Variants in FANCA observed in about 807,000 individuals in gnomAD.
The protein encoded by FANCA is Fanconi anemia group A protein.
Under a neutral mutation model 194.3 loss-of-function variants are expected in FANCA, and 236 were observed. That is an observed-to-expected ratio of 1.21 (90% CI 1.09 to 1.35). The LOEUF is 1.35. Ranked by LOEUF, FANCA falls within the 40% of genes most tolerant of loss-of-function variation. The pLI is 0.00. For missense variants in FANCA, 2,628 were observed against 1,813.9 expected (o/e 1.45, Z -8.15); for synonymous variants, 1,014 against 715.8 (o/e 1.42, Z -6.65).
intron 11 of FANCA, among the ~76,000 whole-genome samples, chr16:89,793,623 C>G (rs1051949311): frequency 2.6e-5 from 4 of 152,136 alleles, no homozygotes; most frequent in Non-Finnish European, 5.9e-5. Flanking sequence ...TGGACAGGGT[C>G]TCACTATCAC....
chr16:89,749,828 G>C lies in FANCA; in HGVS notation c.3141C>G (p.Phe1047Leu). 1 of 1,614,210 alleles carries C rather than the reference G, an allele frequency of 6.2e-7. No homozygotes were observed. The highest frequency in any genetic ancestry group is 8.5e-7 in the Non-Finnish European group (1 of 1,180,034). ...PLGHTPSQEH[F>L]LFEIFRRRLQ... ...GCCGTCTGCGGAAAATCTCAAAGAGGAAGTGCTCCTGGGAAGGGGTGTGGC... is the reference window on the plus strand; with the variant it reads ...GCCGTCTGCGGAAAATCTCAAAGAGCAAGTGCTCCTGGGAAGGGGTGTGGC... Residue 1047 changes from phenylalanine to leucine, a missense_variant, in exon 32 of 43, where the codon TTC becomes TTG. Physicochemically the swap from Phe to Leu is conservative, Grantham distance 22. Transcript: ENST00000389301.
intron 26 of FANCA, among the ~76,000 whole-genome samples, chr16:89,768,793 T>C (rs1200790159): frequency 1.3e-5 from 2 of 152,178 alleles, no homozygotes; most frequent in Non-Finnish European, 2.9e-5. Context: ...TGGATATATA[T>C]CCTGAGGCAT....
Position 89,803,349 on chromosome 16 carries a change from A to G in FANCA, c.710-8T>C, listed in dbSNP as rs181310336. 9.9e-6 allele frequency: 16 copies of G among 1,612,678 alleles called. No individual in the cohort carries two copies. In the Admixed American group the frequency reaches 2.7e-4, roughly 27 times the overall value. On this transcript the variant is annotated splice_polypyrimidine_tract_variant and splice_region_variant and intron_variant, in intron 7 of 42. Transcript: ENST00000389301. ...CAAACATTTGAACAAAATCTGAAAAACCATAAAACCAAAGTTATTTATGGA... is the reference window on the plus strand; with the variant it reads ...CAAACATTTGAACAAAATCTGAAAAGCCATAAAACCAAAGTTATTTATGGA...
chr16:89,782,960 T>C (rs1183126402), intron 16 of FANCA, 42 bp from the exon 17 acceptor site: 2 of 1,612,824 alleles, frequency 1.2e-6, no homozygotes, highest in Non-Finnish European at 1.7e-6. Flanking sequence ...AACAAAGCAG[T>C]TTCTGCTGGG....
At chr16:89,744,154 C>T (rs1187781196) in intron 36 of FANCA, among the ~76,000 whole-genome samples, 2 of 152,218 alleles carry the variant, frequency 1.3e-5, no homozygotes, top group African/African-American at 2.4e-5. Flanking sequence ...CTTGGCCTCC[C>T]AAAGTGCTGG....
At chr16:89,793,626 A>C (rs2040151027) in intron 11 of FANCA, among the ~76,000 whole-genome samples, 1 of 152,060 alleles carries the variant, frequency 6.6e-6, no homozygotes, top group Non-Finnish European at 1.5e-5. Flanking sequence ...ACAGGGTCTC[A>C]CTATCACCCA....
intron 6 of FANCA, among the ~76,000 whole-genome samples, chr16:89,807,931 G>A (rs1403045701): frequency 5.9e-5 from 9 of 151,950 alleles, no homozygotes; most frequent in South Asian, 2.1e-4. Flanking sequence ...GGTGGCGGGC[G>A]CCTGTAATCC....
In FANCA at chr16:89,751,701, C is replaced by G. The variant is rs989839617; in HGVS notation, c.3066+437G>C. Among the ~76,000 whole-genome samples the G allele has an allele frequency of 5.3e-5, 8 of 152,180 alleles. No homozygotes were observed. In the South Asian group the frequency reaches 1.7e-3, roughly 32 times the overall value. ...GGTACATGCTGCCTACCTGTATAGA[C>G]TTCAGGTGATCCACCAGCCTCGGAC... On this transcript the variant is annotated intron_variant, in intron 31 of 42. Coordinates refer to ENST00000389301, the MANE Select transcript of FANCA (RefSeq NM_000135.4).
In FANCA at chr16:89,744,975, G is replaced by A. The variant is rs759303096; in HGVS notation, c.3610C>T (p.Arg1204Trp). 1.4e-5 allele frequency: 23 copies of A among 1,611,658 alleles called. No individual in the cohort carries two copies. The highest frequency in any genetic ancestry group is 8.0e-5 in the African/African-American group (6 of 74,922). The stretch of plus-strand genomic sequence containing the variant: ...CACACGTACTCGCTGGCAAACTGCC[G>A]GCCTTCTTGTAGCTTCTGCAGTTCC... ...PRELQKLQEG[R>W]QFASDFLSPE... is the part of the protein sequence containing the mutation. The change falls in exon 36 of 43, where the codon CGG becomes TGG. Residue 1204 changes from arginine to tryptophan, a missense_variant. Arg to Trp is a moderately radical substitution (Grantham distance 101, BLOSUM62 -3). Coordinates refer to ENST00000389301, the MANE Select transcript of FANCA (RefSeq NM_000135.4).
intron 30 of FANCA, among the ~76,000 whole-genome samples, chr16:89,756,967 T>C (rs1186619426): frequency 1.3e-5 from 2 of 152,124 alleles, no homozygotes; most frequent in East Asian, 3.8e-4. Context: ...AACCGCTGGA[T>C]TTATGGTGGA....
At chr16:89,803,375 C>T in intron 7 of FANCA, 34 bp from the exon 8 acceptor site, 2 of 1,577,386 alleles carry the variant, frequency 1.3e-6, no homozygotes, top group East Asian at 2.2e-5. Flanking sequence ...TATTTATGGA[C>T]ATCATGGTCT....
At chr16:89,793,279 C>T (rs1305080415) in intron 11 of FANCA, among the ~76,000 whole-genome samples, 4 of 152,150 alleles carry the variant, frequency 2.6e-5, no homozygotes, top group African/African-American at 4.8e-5. Flanking sequence ...CTGCCGTCAC[C>T]GCTAGACCAA....
chr16:89,810,881 C>G (rs775505923), intron 4 of FANCA, 48 bp downstream of exon 4: 2 of 1,614,142 alleles, frequency 1.2e-6, no homozygotes, highest in South Asian at 1.1e-5. Flanking sequence ...TCCCAACCAG[C>G]TTAAAAGTAA....
intron 10 of FANCA, among the ~76,000 whole-genome samples, chr16:89,797,500 T>G (rs1227281661): frequency 2.0e-5 from 3 of 152,172 alleles, no homozygotes; most frequent in Admixed American, 2.0e-4. Context: ...CTGTCCTTCC[T>G]CACAGGGCAG....
chr16:89,738,207 G>A lies in FANCA; in HGVS notation c.*394C>T. 1 of 1,610,836 alleles carries A rather than the reference G, an allele frequency of 6.2e-7. No individual in the cohort carries two copies. Among genetic ancestry groups the A allele is most frequent in the Admixed American group, 1.7e-5 (1 of 59,592 alleles). On this transcript the variant is annotated 3_prime_UTR_variant, in exon 43 of 43. Coordinates refer to ENST00000389301, the MANE Select transcript of FANCA (RefSeq NM_000135.4). Reference sequence around the variant, plus strand: ...CACCTGGGCCACCGAGCCCCTCTGTGACCACAGAGGGCCAGGCGGTGAAGC... The same window carrying A: ...CACCTGGGCCACCGAGCCCCTCTGTAACCACAGAGGGCCAGGCGGTGAAGC...
chr16:89,756,913 T>G (rs1296448333), intron 30 of FANCA, among the ~76,000 whole-genome samples: 2 of 152,184 alleles, frequency 1.3e-5, no homozygotes, highest in Non-Finnish European at 2.9e-5. Flanking sequence ...GAAGGACTAT[T>G]GAAGTCAACC....
intron 7 of FANCA, among the ~76,000 whole-genome samples, chr16:89,804,882 A>C (rs2040580031): frequency 6.6e-6 from 1 of 152,048 alleles, no homozygotes; most frequent in East Asian, 1.9e-4. Flanking sequence ...AAATACAAAA[A>C]AAAAATTAGC....
intron 14 of FANCA, among the ~76,000 whole-genome samples, chr16:89,789,537 C>T (rs1207655671): frequency 6.8e-6 from 1 of 147,266 alleles, no homozygotes; most frequent in East Asian, 2.0e-4. Context: ...ACCTCCTCGG[C>T]TTAAGTAATC....
At chr16:89,761,643 G>C (rs1484940791) in intron 29 of FANCA, among the ~76,000 whole-genome samples, 2 of 151,990 alleles carry the variant, frequency 1.3e-5, no homozygotes, top group Non-Finnish European at 2.9e-5. Context: ...TTTTTCTTTT[G>C]AGATAGGGTC....
Sources: allele counts gnomAD v4.1 joint callset (sites outside exome capture counted in the v4.1 genomes callset), GRCh38; gene constraint gnomAD v4.1.1; transcripts MANE v1.5; gene names NCBI Gene and HGNC (gene_info 2026-07-23, HGNC 2026-07-21).